AGTPBP1: variants seen among roughly 807,000 people sequenced by gnomAD.
AGTPBP1 encodes cytosolic carboxypeptidase 1.
AGTPBP1 carries 70 observed loss-of-function variants against 143.9 expected under a neutral mutation model. The ratio of observed to expected loss-of-function variants is 0.49; its 90% confidence interval spans 0.40 to 0.59. The LOEUF (loss-of-function observed/expected upper bound fraction) is 0.59, where lower values mean the gene tolerates loss of function less well. Ranked by LOEUF, AGTPBP1 falls within the 20% of genes least tolerant of loss-of-function variation. AGTPBP1 has a pLI of 0.00. For missense variants in AGTPBP1, 1,229 were observed against 1,464.5 expected, an observed-to-expected ratio of 0.84 and a Z score of 2.62; for synonymous variants, 463 against 500.2, an observed-to-expected ratio of 0.93 and a Z score of 0.99.
intron 25 of AGTPBP1, among the ~76,000 whole-genome samples, chr9:85,556,241 C>T (rs1826333511): frequency 6.6e-6 from 1 of 151,972 alleles, no homozygotes; most frequent in African/African-American, 2.4e-5. Flanking sequence ...ATCTGAAGAT[C>T]CTAGCATTGT....
At chr9:85,659,712 T>C (rs775796373) in intron 9 of AGTPBP1, among the ~76,000 whole-genome samples, 2 of 152,200 alleles carry the variant, frequency 1.3e-5, no homozygotes, top group African/African-American at 2.4e-5. Context: ...TCAGTGATCC[T>C]GAAAATTAGT....
chr9:85,645,836 T>C (rs1250419695), intron 12 of AGTPBP1, among the ~76,000 whole-genome samples: 3 of 152,180 alleles, frequency 2.0e-5, no homozygotes, highest in Non-Finnish European at 4.4e-5. Flanking sequence ...TTATGTAATA[T>C]GACAATAATT....
At chr9:85,664,060 C>T (rs1326523757) in intron 8 of AGTPBP1, among the ~76,000 whole-genome samples, 1 of 152,064 alleles carries the variant, frequency 6.6e-6, no homozygotes, top group African/African-American at 2.4e-5. Flanking sequence ...CACCCCACCA[C>T]AAAAAAGAGT....
At chr9:85,663,281 A>G (rs1056663023) in intron 8 of AGTPBP1, among the ~76,000 whole-genome samples, 2 of 152,126 alleles carry the variant, frequency 1.3e-5, no homozygotes, top group East Asian at 1.9e-4. Flanking sequence ...GCAGAACCAC[A>G]TCTAGTATTC....
chr9:85,803,541 C>T, the AGTPBP1 span, among the ~76,000 whole-genome samples: 3 of 152,186 alleles, frequency 2.0e-5, no homozygotes, highest in Non-Finnish European at 4.4e-5. Context: ...GCCTGAGATT[C>T]TGAGTTTCCA....
intron 3 of AGTPBP1, among the ~76,000 whole-genome samples, chr9:85,683,806 T>C (rs914245061): frequency 6.6e-6 from 1 of 152,168 alleles, no homozygotes; most frequent in Non-Finnish European, 1.5e-5. Context: ...TTTCTATTCA[T>C]CTTTCCTTTA....
At chr9:85,756,080 G>T in the AGTPBP1 span, 1 of 1,534,914 alleles carries the variant, frequency 6.5e-7, no homozygotes, top group East Asian at 2.3e-5. Context: ...GTAGAAATTG[G>T]ATAAGCAAAA....
At chr9:85,639,879 GTTGATAATTACT>G (rs1381426615) in intron 13 of AGTPBP1, among the ~76,000 whole-genome samples, 2 of 152,178 alleles carry the variant, frequency 1.3e-5, no homozygotes, top group African/African-American at 4.8e-5. Context: ...CACAAAGGAT[GTTGATAATTACT>G]TTAATAATAC....
At chr9:85,654,896 T>C (rs1833401593) in intron 11 of AGTPBP1, among the ~76,000 whole-genome samples, 2 of 152,300 alleles carry the variant, frequency 1.3e-5, no homozygotes, top group South Asian at 4.1e-4. Flanking sequence ...ATAATATTCC[T>C]ATGTGAAGCT....
intron 2 of AGTPBP1, among the ~76,000 whole-genome samples, chr9:85,705,916 TC>T: frequency 6.6e-6 from 1 of 152,024 alleles, no homozygotes; most frequent in South Asian, 2.1e-4. Context: ...GGTCTCGATC[TC>T]CTGACCTTGT....
Position 85,703,341 on chromosome 9 carries a change from G to T in AGTPBP1, c.32+9161C>A, listed in dbSNP as rs1836791180. Among the ~76,000 whole-genome samples the T allele has an allele frequency of 3.3e-5, 5 of 152,272 alleles. No homozygotes were observed. In the South Asian group the frequency reaches 1.0e-3, roughly 32 times the overall value. ...GCCTCCTGGCTCTTGTGAAGTGAAT[G>T]GATTACATAAAGGAATCAAGAGTAG... On this transcript the variant is annotated intron_variant, in intron 2 of 25. Coordinates refer to ENST00000357081, the MANE Select transcript of AGTPBP1 (RefSeq NM_001330701.2).
At chr9:85,584,185 A>G (rs933225676) in intron 23 of AGTPBP1, among the ~76,000 whole-genome samples, 1 of 151,882 alleles carries the variant, frequency 6.6e-6, no homozygotes, top group Non-Finnish European at 1.5e-5. Context: ...TTTCTATATC[A>G]CTGAGCTCTA....
chr9:85,691,539 GT>G (rs1564149889), intron 3 of AGTPBP1, among the ~76,000 whole-genome samples: 39 of 146,544 alleles, frequency 2.7e-4, no homozygotes, highest in African/African-American at 7.9e-4. Flanking sequence ...AAAAGAGGGT[GT>G]GTGTGTGTGT....
chr9:85,722,723 G>A (rs988407944), intron 1 of AGTPBP1, among the ~76,000 whole-genome samples: 1 of 152,174 alleles, frequency 6.6e-6, no homozygotes, highest in African/African-American at 2.4e-5. Flanking sequence ...TTGCAGTGAG[G>A]AACTGCAATC....
At chr9:85,623,307 C>A (rs1030434550) in intron 14 of AGTPBP1, among the ~76,000 whole-genome samples, 16 of 152,056 alleles carry the variant, frequency 1.1e-4, no homozygotes, top group Non-Finnish European at 2.1e-4. Context: ...TGCCACTCTG[C>A]AAGTTAAGCC....
chr9:85,789,869 G>A, the AGTPBP1 span, among the ~76,000 whole-genome samples: 2 of 152,116 alleles, frequency 1.3e-5, no homozygotes, highest in African/African-American at 4.8e-5. Flanking sequence ...AATCCTTAGT[G>A]GGAGTTCGGT....
intron 13 of AGTPBP1, among the ~76,000 whole-genome samples, chr9:85,636,259 C>CTTTT (rs35445993): frequency 9.9e-4 from 117 of 118,532 alleles, no homozygotes; most frequent in Non-Finnish European, 1.5e-3. Context: ...TGTAAGGTTT[C>CTTTT]TTTTTTTTTT....
intron 3 of AGTPBP1, among the ~76,000 whole-genome samples, chr9:85,687,764 G>T (rs931383029): frequency 6.6e-6 from 1 of 151,996 alleles, no homozygotes; most frequent in African/African-American, 2.4e-5. Flanking sequence ...TAGAAATAAA[G>T]GTCTCAAAAT....
At chr9:85,606,635 G>C (rs1456137088) in intron 17 of AGTPBP1, among the ~76,000 whole-genome samples, 1 of 152,026 alleles carries the variant, frequency 6.6e-6, no homozygotes, top group Non-Finnish European at 1.5e-5. Flanking sequence ...ATTCACAATA[G>C]CAAAGATATG....
Sources: allele counts gnomAD v4.1 joint callset (sites outside exome capture counted in the v4.1 genomes callset), GRCh38; gene constraint gnomAD v4.1.1; transcripts MANE v1.5; gene names NCBI Gene and HGNC (gene_info 2026-07-23, HGNC 2026-07-21).